PCDH15: variants seen among roughly 807,000 people sequenced by gnomAD.
PCDH15 encodes the protein protocadherin related 15.
A neutral mutation model predicts 178.5 loss-of-function variants in PCDH15; 129 were observed. The ratio of observed to expected loss-of-function variants is 0.72; its 90% CI spans 0.63 to 0.84. PCDH15 has a LOEUF of 0.84. Among genes scored for constraint, PCDH15 ranks in the 40% least tolerant of loss-of-function variants. The probability of loss-of-function intolerance (pLI) is 0.00; values close to 1 mark genes in which losing one functional copy is unlikely to be tolerated. For synonymous variants in PCDH15, 800 were observed against 732.0 expected (o/e 1.09, Z -1.50); for missense variants, 2,230 against 2,099.9 (o/e 1.06, Z -1.21).
intron 3 of PCDH15, among the ~76,000 whole-genome samples, chr10:54,450,116 A>C (rs1283984692): frequency 8.1e-6 from 1 of 122,848 alleles, no homozygotes; most frequent in Non-Finnish European, 1.7e-5. Context: ...GCAGATGACT[A>C]TTCCTTTTTT....
At chr10:54,101,839 G>A (rs187421631) in intron 15 of PCDH15, among the ~76,000 whole-genome samples, 1 of 152,056 alleles carries the variant, frequency 6.6e-6, no homozygotes. Context: ...GCTGTGTGTG[G>A]TGTTGTGCAA....
intron 1 of PCDH15, among the ~76,000 whole-genome samples, chr10:54,689,433 G>C (rs975706776): frequency 2.0e-5 from 3 of 152,072 alleles, no homozygotes; most frequent in Non-Finnish European, 4.4e-5. Context: ...ATCACGGCTT[G>C]AATGTTATAT....
intron 2 of PCDH15, among the ~76,000 whole-genome samples, chr10:54,576,158 CCTAT>C (rs200141461): frequency 0.017 from 2,653 of 151,692 alleles, 73 homozygotes; most frequent in African/African-American, 0.06. Flanking sequence ...TATCTACCTA[CCTAT>C]CTATCTATAT....
Position 54,062,248 on chromosome 10 carries a change from AAAAACAAAAAAC to A in PCDH15, c.2220+4497_2220+4508del, listed in dbSNP as rs1418661023. 5.7e-3 allele frequency among the ~76,000 whole-genome samples: 687 copies of A among 119,788 alleles called. 10 individuals carry two copies. Among genetic ancestry groups the A allele is most frequent in the Admixed American group, 0.034 (395 of 11,508 alleles). The allele number at this position is 119,788 out of a possible 152,430, so 78.6% of individuals were successfully genotyped here. A position where few individuals can be genotyped will look rare whatever the true frequency, so the allele number is the denominator to read the frequency against. The stretch of plus-strand genomic sequence containing the variant: ...GTCTCAAAAAAAAAAAAAAAAAAAA[AAAAACAAAAAAC>A]AACTAAATGAAAACTCCCTTCAGCA... On this transcript the variant is annotated intron_variant, in intron 18 of 37. Coordinates refer to ENST00000644397, the MANE Select transcript of PCDH15 (RefSeq NM_001384140.1).
chr10:55,436,700 A>T (rs996129534), intron 2 of PCDH15, among the ~76,000 whole-genome samples: 1 of 152,144 alleles, frequency 6.6e-6, no homozygotes, highest in African/African-American at 2.4e-5. Flanking sequence ...TGTCTCTGCA[A>T]ATTTGCGTAA....
chr10:54,958,124 T>G (rs527713545), intron 2 of PCDH15, among the ~76,000 whole-genome samples: 66 of 151,982 alleles, frequency 4.3e-4, no homozygotes, highest in Non-Finnish European at 7.1e-4. Context: ...ACTTTACCGT[T>G]TTTTGTTGAA....
chr10:54,944,333 T>C (rs1287501514), intron 2 of PCDH15, among the ~76,000 whole-genome samples: 1 of 151,950 alleles, frequency 6.6e-6, no homozygotes, highest in Non-Finnish European at 1.5e-5. Context: ...AAAAGGTTTC[T>C]GTGAATTACA....
chr10:54,509,302 G>T (rs781282557), intron 3 of PCDH15, among the ~76,000 whole-genome samples: 33 of 152,186 alleles, frequency 2.2e-4, no homozygotes, highest in Non-Finnish European at 4.3e-4. Flanking sequence ...TCTCGTGGTA[G>T]TGAATAAGTC....
intron 3 of PCDH15, among the ~76,000 whole-genome samples, chr10:54,846,853 A>G (rs1394451953): frequency 1.3e-5 from 2 of 152,186 alleles, no homozygotes; most frequent in African/African-American, 2.4e-5. Context: ...ATAAAATTCT[A>G]TAAAACTAAG....
At chr10:55,414,164 C>T (rs1249394464) in intron 2 of PCDH15, among the ~76,000 whole-genome samples, 2 of 151,000 alleles carry the variant, frequency 1.3e-5, no homozygotes, top group Non-Finnish European at 3.0e-5. Context: ...GTTATCTTGC[C>T]TCATTAAAAG....
chr10:54,902,503 C>T (rs1364669065), intron 2 of PCDH15, among the ~76,000 whole-genome samples: 1 of 152,120 alleles, frequency 6.6e-6, no homozygotes, highest in East Asian at 1.9e-4. Flanking sequence ...TGCTTGCTTC[C>T]CCTTGCCATT....
intron 2 of PCDH15, among the ~76,000 whole-genome samples, chr10:55,432,818 G>A (rs1045375191): frequency 2.0e-5 from 3 of 151,430 alleles, no homozygotes; most frequent in South Asian, 2.1e-4. Flanking sequence ...TAGAGATGGC[G>A]TTTAACCGTG....
chr10:54,114,798 G>A (rs549804529), intron 15 of PCDH15, among the ~76,000 whole-genome samples: 9 of 152,094 alleles, frequency 5.9e-5, no homozygotes, highest in Non-Finnish European at 7.4e-5. Context: ...GCAAGTGAAC[G>A]GTTCCAGAGG....
At chr10:55,165,129 A>G (rs1479414642) in intron 2 of PCDH15, among the ~76,000 whole-genome samples, 1 of 152,114 alleles carries the variant, frequency 6.6e-6, no homozygotes, top group Non-Finnish European at 1.5e-5. Context: ...TCTAAATAGC[A>G]AGAATCTTGG....
chr10:54,013,055 T>G (rs2610872), intron 20 of PCDH15, among the ~76,000 whole-genome samples: 116,185 of 151,940 alleles, frequency 0.76, 44,658 homozygotes, highest in Middle Eastern at 0.86. Flanking sequence ...AAAGTAAAGG[T>G]TTGGAGAAAA....
intron 23 of PCDH15, among the ~76,000 whole-genome samples, chr10:53,952,404 G>A (rs1426113697): frequency 6.6e-6 from 1 of 152,180 alleles, no homozygotes; most frequent in Non-Finnish European, 1.5e-5. Context: ...CAGTGGCGAG[G>A]AGACCCAGAG....
chr10:54,885,112 AAATG>A (rs1954332682), intron 3 of PCDH15, among the ~76,000 whole-genome samples: 1 of 152,102 alleles, frequency 6.6e-6, no homozygotes, highest in Non-Finnish European at 1.5e-5. Flanking sequence ...CCGATACAAT[AAATG>A]AATGAATGAT....
At chr10:54,193,090 G>A (rs1261414020) in intron 11 of PCDH15, among the ~76,000 whole-genome samples, 1 of 152,146 alleles carries the variant, frequency 6.6e-6, no homozygotes, top group Non-Finnish European at 1.5e-5. Flanking sequence ...AGACTAACTG[G>A]TACTGTACAT....
intron 8 of PCDH15, among the ~76,000 whole-genome samples, chr10:54,316,661 A>C (rs2061297810): frequency 6.6e-6 from 1 of 152,118 alleles, no homozygotes. Context: ...AGGTATGTAC[A>C]TCAATCATCT....
Sources: gnomAD v4.1 joint callset for allele counts (sites outside exome capture counted in the v4.1 genomes callset) on GRCh38, gnomAD v4.1.1 for gene constraint, MANE v1.5 for transcripts, NCBI Gene and HGNC (gene_info 2026-07-23, HGNC 2026-07-21) for gene names.